The following PIK3C2G variants were observed in gnomAD, a reference collection of about 807,000 sequenced individuals.
PIK3C2G encodes the protein phosphatidylinositol-4-phosphate 3-kinase catalytic subunit type 2 gamma, also known as phosphatidylinositol 3-kinase C2 domain-containing subunit gamma.
Under a neutral mutation model 181.1 loss-of-function variants are expected in PIK3C2G, and 168 were observed. The observed-to-expected ratio is 0.93, with a 90% CI of 0.82 to 1.05. The LOEUF is 1.05. Ranked by LOEUF, PIK3C2G falls within the 50% of genes least tolerant of loss-of-function variation. The pLI is 0.00. For missense variants in PIK3C2G, 1,869 were observed against 1,732.8 expected (o/e 1.08, Z -1.40); for synonymous variants, 573 against 592.2 (o/e 0.97, Z 0.47).
chr12:18,658,272 G>A, the PIK3C2G span, among the ~76,000 whole-genome samples: 4 of 152,070 alleles, frequency 2.6e-5, no homozygotes, highest in Non-Finnish European at 5.9e-5. Context: ...TAAAAGGACA[G>A]AAAGAATATT....
intron 5 of PIK3C2G, among the ~76,000 whole-genome samples, chr12:18,312,895 A>T (rs1950699265): frequency 6.6e-6 from 1 of 152,120 alleles, no homozygotes; most frequent in Non-Finnish European, 1.5e-5. Context: ...ACATAATTCT[A>T]TACATTTTTG....
intron 18 of PIK3C2G, among the ~76,000 whole-genome samples, chr12:18,443,726 T>G (rs1946870629): frequency 6.6e-6 from 1 of 152,166 alleles, no homozygotes; most frequent in Non-Finnish European, 1.5e-5. Flanking sequence ...AATTGCTAAA[T>G]CAAAATGAGT....
At chr12:18,692,856 C>A in the PIK3C2G span, 5 of 1,598,800 alleles carry the variant, frequency 3.1e-6, no homozygotes, top group Admixed American at 1.7e-5. Context: ...GAAATATGAA[C>A]CTCCTGTACC....
intron 25 of PIK3C2G, 71 bp from the exon 26 acceptor site, chr12:18,546,252 T>C: frequency 1.1e-6 from 1 of 925,824 alleles, no homozygotes; most frequent in Non-Finnish European, 1.7e-6. Flanking sequence ...GTAGAATTAA[T>C]CAAGTAAGCT....
the PIK3C2G span, among the ~76,000 whole-genome samples, chr12:18,683,876 G>T: frequency 1.3e-5 from 2 of 151,790 alleles, no homozygotes; most frequent in Non-Finnish European, 2.9e-5. Context: ...AGAAGAACTA[G>T]GATGCATGTA....
chr12:18,362,335 C>T lies in PIK3C2G; in HGVS notation c.1626-429C>T, dbSNP rs568776572. On this transcript the variant is annotated intron_variant, in intron 11 of 32. Coordinates refer to ENST00000538779, the MANE Select transcript of PIK3C2G (RefSeq NM_001288772.2). Reference sequence around the variant, plus strand: ...GTGCTAAGTCTAAGTGTTAGATGTACGTCCCCGTGTTCTCTTTCCCTCCTT... The same window carrying T: ...GTGCTAAGTCTAAGTGTTAGATGTATGTCCCCGTGTTCTCTTTCCCTCCTT... Among the ~76,000 whole-genome samples, 20 of 152,216 alleles carry T rather than the reference C, an allele frequency of 1.3e-4. No individual in the cohort carries two copies. In the South Asian group the frequency reaches 2.1e-3, roughly 16 times the overall value.
At chr12:18,309,703 TTAA>T (rs1310975685) in intron 5 of PIK3C2G, among the ~76,000 whole-genome samples, 1 of 151,814 alleles carries the variant, frequency 6.6e-6, no homozygotes, top group Non-Finnish European at 1.5e-5. Flanking sequence ...TTTAACAAAA[TTAA>T]TAATTTTTAC....
chr12:18,301,493 G>A (rs1950173360), intron 5 of PIK3C2G, among the ~76,000 whole-genome samples: 1 of 151,882 alleles, frequency 6.6e-6, no homozygotes, highest in Admixed American at 6.6e-5. Context: ...CTAGTCTATT[G>A]TTAAAGCTCT....
intron 6 of PIK3C2G, among the ~76,000 whole-genome samples, chr12:18,315,570 A>G (rs1950824807): frequency 6.6e-6 from 1 of 152,166 alleles, no homozygotes; most frequent in East Asian, 1.9e-4. Context: ...TTGTAACTCT[A>G]TTATTCTGAT....
chr12:18,314,099 A>C (rs1184636495), intron 6 of PIK3C2G, 35 bp downstream of exon 6: 1 of 1,100,316 alleles, frequency 9.1e-7, no homozygotes, highest in Non-Finnish European at 1.3e-6. Flanking sequence ...CAATTGGCAA[A>C]CTGACAGTTT....
chr12:18,638,951 C>CAAAA (rs779064940), intron 31 of PIK3C2G, among the ~76,000 whole-genome samples: 2 of 97,588 alleles, frequency 2.0e-5, no homozygotes, highest in African/African-American at 7.6e-5. Flanking sequence ...CTCTTCTCAC[C>CAAAA]AAAAAAAAAA....
chr12:18,420,773 A>C (rs879223535), intron 16 of PIK3C2G, among the ~76,000 whole-genome samples, 168 bp from the exon 17 acceptor site: 1 of 152,134 alleles, frequency 6.6e-6, no homozygotes, highest in South Asian at 2.1e-4. Flanking sequence ...AGAGTATAGA[A>C]TATGAAAAAA....
intron 13 of PIK3C2G, among the ~76,000 whole-genome samples, chr12:18,375,980 A>G (rs368502078): frequency 1.3e-5 from 2 of 152,238 alleles, no homozygotes; most frequent in African/African-American, 4.8e-5. Flanking sequence ...CTCCACCTAG[A>G]TTTCAGAGAA....
At chr12:18,615,509 CAATTGCA>C (rs1401307435) in intron 31 of PIK3C2G, among the ~76,000 whole-genome samples, 1 of 151,492 alleles carries the variant, frequency 6.6e-6, no homozygotes, top group Non-Finnish European at 1.5e-5. Flanking sequence ...CATATTTTTG[CAATTGCA>C]AATTGTGCTG....
intron 8 of PIK3C2G, among the ~76,000 whole-genome samples, chr12:18,334,437 T>A (rs1237762297): frequency 6.6e-6 from 1 of 152,200 alleles, no homozygotes; most frequent in Non-Finnish European, 1.5e-5. Flanking sequence ...TATAATGTTT[T>A]ATTTTTCTTC....
the PIK3C2G span, among the ~76,000 whole-genome samples, chr12:18,700,510 T>TACAAA: frequency 3.6e-4 from 1 of 2,808 alleles, no homozygotes; most frequent in Non-Finnish European, 1.1e-3. Context: ...AGAGCCAACG[T>TACAAA]ACAAAAAAAA....
At chr12:18,463,517 G>A (rs915876081) in intron 18 of PIK3C2G, among the ~76,000 whole-genome samples, 7 of 152,220 alleles carry the variant, frequency 4.6e-5, no homozygotes, top group Middle Eastern at 3.4e-3. Flanking sequence ...TACACAAGAG[G>A]AATAATACTT....
intron 28 of PIK3C2G, among the ~76,000 whole-genome samples, chr12:18,565,269 A>C (rs894206235): frequency 6.6e-6 from 1 of 152,220 alleles, no homozygotes; most frequent in Non-Finnish European, 1.5e-5. Flanking sequence ...ATGAAATTCT[A>C]ATCAGTTCAT....
At chr12:18,438,681 T>C (rs1592260975) in intron 18 of PIK3C2G, among the ~76,000 whole-genome samples, 1 of 151,762 alleles carries the variant, frequency 6.6e-6, no homozygotes, top group African/African-American at 2.4e-5. Flanking sequence ...ACTTACATAT[T>C]ATGAAAGCTA....
Sources: allele counts gnomAD v4.1 joint callset (sites outside exome capture counted in the v4.1 genomes callset), GRCh38; gene constraint gnomAD v4.1.1; transcripts MANE v1.5; gene names NCBI Gene and HGNC (gene_info 2026-07-23, HGNC 2026-07-21).